Variants in KCNAB2 observed in about 807,000 individuals in gnomAD.
The protein encoded by KCNAB2 is potassium voltage-gated channel subfamily A regulatory beta subunit 2, also known as voltage-gated potassium channel subunit beta-2.
Under a neutral mutation model 63.6 loss-of-function variants are expected in KCNAB2, and 29 were observed. The ratio of observed to expected loss-of-function variants is 0.46; its 90% CI spans 0.34 to 0.62. The LOEUF (loss-of-function observed/expected upper bound fraction) is 0.62, where lower values mean the gene tolerates loss of function less well. Ranked by LOEUF, KCNAB2 falls within the 20% of genes least tolerant of loss-of-function variation. The pLI is 0.01. For missense variants in KCNAB2, 359 were observed against 563.9 expected (o/e 0.64, Z 3.68); for synonymous variants, 222 against 224.2 (o/e 0.99, Z 0.09).
intron 10 of KCNAB2, 30 bp from the exon 11 acceptor site, chr1:6,094,370 C>T (rs777458625): frequency 5.1e-6 from 8 of 1,577,326 alleles, no homozygotes; most frequent in East Asian, 2.3e-5. Context: ...GGCTGCCCCC[C>T]ACCTGCGGTT....
intron 1 of KCNAB2, among the ~76,000 whole-genome samples, chr1:6,002,365 C>T (rs1657305844): frequency 6.6e-6 from 1 of 152,252 alleles, no homozygotes; most frequent in South Asian, 2.1e-4. Flanking sequence ...CAGCCGTGGC[C>T]TCTGGGGCCT....
intron 1 of KCNAB2, among the ~76,000 whole-genome samples, chr1:6,049,868 C>G (rs894055266): frequency 2.6e-5 from 4 of 152,220 alleles, no homozygotes; most frequent in African/African-American, 9.6e-5. Context: ...GCAGGGAAAC[C>G]CCCATGAAAG....
At chr1:6,010,593 C>T (rs925300872) in intron 1 of KCNAB2, among the ~76,000 whole-genome samples, 8 of 152,234 alleles carry the variant, frequency 5.3e-5, no homozygotes, top group Non-Finnish European at 1.0e-4. Flanking sequence ...CCCCTGGCCC[C>T]TCCCTGCTCC....
chr1:6,044,982 C>T (rs1018895017), upstream of KCNAB2, among the ~76,000 whole-genome samples: 12 of 152,140 alleles, frequency 7.9e-5, no homozygotes, highest in African/African-American at 7.2e-5. Flanking sequence ...AGTAGTGAGG[C>T]GCAGGCCCCC....
chr1:6,064,860 C>T (rs1343543926), intron 2 of KCNAB2, among the ~76,000 whole-genome samples: 1 of 152,148 alleles, frequency 6.6e-6, no homozygotes, highest in African/African-American at 2.4e-5. Context: ...CCAGCCCCTC[C>T]GGATGCTGAA....
At chr1:6,058,798 C>T (rs911333023) in intron 2 of KCNAB2, among the ~76,000 whole-genome samples, 7 of 152,220 alleles carry the variant, frequency 4.6e-5, no homozygotes, top group African/African-American at 1.7e-4. Flanking sequence ...CCGGGCCAGA[C>T]GCAGGGGCTG....
At chr1:6,079,539 C>A (rs1166987777) in intron 4 of KCNAB2, among the ~76,000 whole-genome samples, 1 of 152,044 alleles carries the variant, frequency 6.6e-6, no homozygotes, top group Non-Finnish European at 1.5e-5. Flanking sequence ...AAAATAACCC[C>A]AGTCTTGGAT....
rs1665687658 is a variant in KCNAB2 at position 6,096,886 on chromosome 1, TC to T, written c.1069+135del. ...AGAGGGAAGGGATCCCTGGACATCATCCCCCAGCCAGCCTCGGGTAATCGGG... is the reference window on the plus strand; with the variant it reads ...AGAGGGAAGGGATCCCTGGACATCATCCCCAGCCAGCCTCGGGTAATCGGG... On this transcript the variant is annotated intron_variant, in intron 14 of 15. Coordinates refer to ENST00000378083, the MANE Select transcript of KCNAB2 (RefSeq NM_001199862.2). This position sits in a 1 kb window ranked among gnomAD's most constrained non-coding sequence, Gnocchi z 5.9. The T allele has an allele frequency of 1.6e-6, 2 of 1,230,680 alleles. No individual in the cohort carries two copies. The highest frequency in any genetic ancestry group is 2.2e-6 in the Non-Finnish European group (2 of 914,756). 76.2% of individuals were successfully genotyped at this position (1,230,680 alleles called of 1,614,324 possible). A position where few individuals can be genotyped will look rare whatever the true frequency, so the allele number is the denominator to read the frequency against.
Position 6,061,162 on chromosome 1 carries a change from T to C in KCNAB2, c.218+9408T>C, listed in dbSNP as rs149473545. On this transcript the variant is annotated intron_variant, in intron 2 of 15. Transcript: ENST00000378083. The stretch of plus-strand genomic sequence containing the variant: ...GCACTCCAGGGACACAGAGCAGAGC[T>C]TTTAATGGGGGTGGCTGCTCTCCAG... Among the ~76,000 whole-genome samples, 151 of 152,294 alleles carry C rather than the reference T, an allele frequency of 9.9e-4. 1 individual carries two copies. Among genetic ancestry groups the C allele is most frequent in the Non-Finnish European group, 1.6e-3 (112 of 68,014 alleles).
chr1:6,046,024 C>G lies in KCNAB2; in HGVS notation c.-186C>G. 1.0e-6 allele frequency: 1 copy of G among 985,450 alleles called. No homozygotes were observed. The allele number at this position is 985,450 out of a possible 1,614,324, so 61.0% of individuals were successfully genotyped here. ...CTAATGGACTCGCTGCCTCAAAACT[C>G]GACTCTGGTGGGACTCATCTCATTC... On this transcript the variant is annotated 5_prime_UTR_variant, in exon 1 of 16. Transcript: ENST00000378083.
chr1:6,029,729 G>C (rs963888665), upstream of KCNAB2, among the ~76,000 whole-genome samples: 1 of 152,206 alleles, frequency 6.6e-6, no homozygotes, highest in Non-Finnish European at 1.5e-5. Context: ...CAAGGTCATA[G>C]ACCAGCACAT....
chr1:6,073,581 G>T lies in KCNAB2; in HGVS notation c.263-152G>T, dbSNP rs1454911103. The stretch of plus-strand genomic sequence containing the variant: ...GCAGGACTTTCTCTGAAGGCCAGCT[G>T]TCCACACACACTAAGGACACCCTGG... On this transcript the variant is annotated intron_variant, in intron 3 of 15. Transcript: ENST00000378083. This position sits in a 1 kb window ranked among gnomAD's most constrained non-coding sequence, Gnocchi z 5.7. 4 of 724,692 alleles carry T rather than the reference G, an allele frequency of 5.5e-6. No individual in the cohort carries two copies. The highest frequency in any genetic ancestry group is 5.0e-6 in the Non-Finnish European group (2 of 401,734). 44.9% of individuals were successfully genotyped at this position (724,692 alleles called of 1,614,324 possible).
Position 6,076,051 on chromosome 1 carries a change from C to G in KCNAB2, c.300+2281C>G, listed in dbSNP as rs572748238. 3.9e-5 allele frequency among the ~76,000 whole-genome samples: 6 copies of G among 152,386 alleles called. No homozygotes were observed. The East Asian group carries it at 1.2e-3, about 29-fold the overall frequency. On this transcript the variant is annotated intron_variant, in intron 4 of 15. Transcript: ENST00000378083. ...AGTAATTGCAACAGAGACTCTCTGGCCCACAGTGCCTGAAGCATTTACTAT... is the reference window on the plus strand; with the variant it reads ...AGTAATTGCAACAGAGACTCTCTGGGCCACAGTGCCTGAAGCATTTACTAT...
In KCNAB2 at chr1:6,045,942, A is replaced by G; in HGVS notation, c.-268A>G. On this transcript the variant is annotated 5_prime_UTR_variant, in exon 1 of 16. Coordinates refer to ENST00000378083, the MANE Select transcript of KCNAB2 (RefSeq NM_001199862.2). This position sits in a 1 kb window ranked among gnomAD's most constrained non-coding sequence, Gnocchi z 4.8. ...CTGCACTTCCCGAGCTTTTAGGGGAAGAGGCACTCGTGAATAATTCAGCCT... is the reference window on the plus strand; with the variant it reads ...CTGCACTTCCCGAGCTTTTAGGGGAGGAGGCACTCGTGAATAATTCAGCCT... 9.1e-6 allele frequency: 9 copies of G among 985,448 alleles called. No individual in the cohort carries two copies. Among genetic ancestry groups the G allele is most frequent in the Non-Finnish European group, 9.6e-6 (8 of 829,942 alleles). The allele number at this position is 985,448 out of a possible 1,614,324, so 61.0% of individuals were successfully genotyped here.
At chr1:6,095,871 C>CG (rs1173940948) in intron 13 of KCNAB2, among the ~76,000 whole-genome samples, 2 of 138,660 alleles carry the variant, frequency 1.4e-5, no homozygotes, top group Non-Finnish European at 3.2e-5. Flanking sequence ...ACATCCCCCC[C>CG]CCTGCCCCCA....
chr1:6,100,018 G>T lies in KCNAB2; in HGVS notation c.*1444G>T, dbSNP rs1665926866. 1 of 1,533,228 alleles carries T rather than the reference G, an allele frequency of 6.5e-7. No individual in the cohort carries two copies. The highest frequency in any genetic ancestry group is 2.5e-5 in the East Asian group (1 of 40,774). The allele number at this position is 1,533,228 out of a possible 1,614,324, so 95.0% of individuals were successfully genotyped here. On this transcript the variant is annotated 3_prime_UTR_variant, in exon 16 of 16. Transcript: ENST00000378083. ...AGCCACCCCCACCCCTCGCCAGCTA[G>T]CTCCATAGGGAAGCCTGTGTCTCCT...
chr1:6,005,865 G>A (rs1657642246), intron 1 of KCNAB2, among the ~76,000 whole-genome samples: 1 of 151,646 alleles, frequency 6.6e-6, no homozygotes, highest in East Asian at 2.0e-4. Context: ...GCACCCTGGG[G>A]CTCTGTTCTG....
chr1:6,038,880 T>G (rs577857911), intron 1 of KCNAB2, among the ~76,000 whole-genome samples: 1 of 152,368 alleles, frequency 6.6e-6, no homozygotes, highest in Non-Finnish European at 1.5e-5. Context: ...CGGGGCTGTT[T>G]TGAGCCCAGA....
At chr1:5,993,221 T>A (rs779045752) in intron 1 of KCNAB2, among the ~76,000 whole-genome samples, 4 of 151,384 alleles carry the variant, frequency 2.6e-5, no homozygotes, top group Non-Finnish European at 5.9e-5. Flanking sequence ...GTCCTCCCCA[T>A]CTCTCCTCCT....
Sources: allele counts gnomAD v4.1 joint callset (sites outside exome capture counted in the v4.1 genomes callset), GRCh38; gene constraint gnomAD v4.1.1; non-coding constraint Gnocchi (gnomAD v3.1); transcripts MANE v1.5; gene names NCBI Gene and HGNC (gene_info 2026-07-23, HGNC 2026-07-21).